The following RBMS3 variants were observed in gnomAD, a reference collection of about 807,000 sequenced individuals.
RBMS3 encodes RNA binding motif single stranded interacting protein 3, also known as RNA-binding motif, single-stranded-interacting protein 3.
Under a neutral mutation model 66.8 loss-of-function variants are expected in RBMS3, and 27 were observed. The ratio of observed to expected loss-of-function variants is 0.40; its 90% CI spans 0.30 to 0.56. RBMS3 has a LOEUF of 0.56. Among genes scored for constraint, RBMS3 ranks in the 20% least tolerant of loss-of-function variants. RBMS3 has a pLI of 0.40. For synonymous variants in RBMS3, 188 were observed against 183.0 expected (o/e 1.03, Z -0.22); for missense variants, 513 against 549.5 (o/e 0.93, Z 0.66).
intron 10 of RBMS3, among the ~76,000 whole-genome samples, chr3:29,915,404 C>T (rs2060614061): frequency 1.3e-5 from 2 of 151,900 alleles, no homozygotes; most frequent in Non-Finnish European, 2.9e-5. Flanking sequence ...AGCTAAATTA[C>T]TGAAGACCAT....
At chr3:29,958,556 G>A (rs1358363257) in intron 12 of RBMS3, among the ~76,000 whole-genome samples, 1 of 152,036 alleles carries the variant, frequency 6.6e-6, no homozygotes, top group East Asian at 1.9e-4. Context: ...CAAAATCTGA[G>A]AGTTTTTTTT....
At position 29,605,535 on chromosome 3, in the gene RBMS3, T is replaced by TAGAAAA. The variant is rs2048295188; in HGVS notation, c.399+18336_399+18341dup. Among the ~76,000 whole-genome samples the TAGAAAA allele has an allele frequency of 2.0e-5, 3 of 151,820 alleles. No individual in the cohort carries two copies. In the South Asian group the frequency reaches 6.2e-4, roughly 31 times the overall value. ...TTCTGTACTTCATGGTAGATCCTGG[T>TAGAAAA]AGAAAAAGAAATGAGGTTGAGAGTG... On this transcript the variant is annotated intron_variant, in intron 4 of 14. Coordinates refer to ENST00000383767, the MANE Select transcript of RBMS3 (RefSeq NM_001003793.3).
chr3:29,343,202 G>A (rs975991824), intron 1 of RBMS3, among the ~76,000 whole-genome samples: 2 of 152,080 alleles, frequency 1.3e-5, no homozygotes, highest in South Asian at 2.1e-4. Flanking sequence ...TGGTCTGAGC[G>A]AAATATCTTT....
intron 8 of RBMS3, among the ~76,000 whole-genome samples, chr3:29,887,339 C>A (rs2059895479): frequency 6.6e-6 from 1 of 151,776 alleles, no homozygotes; most frequent in African/African-American, 2.4e-5. Context: ...TCATAATCCC[C>A]ATGTGTCAAG....
intron 1 of RBMS3, among the ~76,000 whole-genome samples, chr3:29,366,247 T>C (rs528909656): frequency 6.6e-6 from 1 of 152,338 alleles, no homozygotes; most frequent in East Asian, 1.9e-4. Context: ...TATGATTACT[T>C]TGTTAAGTGA....
chr3:29,656,956 G>A (rs2050347299), intron 4 of RBMS3, among the ~76,000 whole-genome samples: 1 of 152,110 alleles, frequency 6.6e-6, no homozygotes, highest in South Asian at 2.1e-4. Flanking sequence ...TCCATCCTAT[G>A]GCTCCATCAT....
intron 4 of RBMS3, among the ~76,000 whole-genome samples, chr3:29,644,419 T>C (rs1462078987): frequency 2.6e-5 from 4 of 152,178 alleles, no homozygotes; most frequent in Admixed American, 2.6e-4. Context: ...TGTGCCTCCA[T>C]GCACAGACAA....
intron 6 of RBMS3, among the ~76,000 whole-genome samples, chr3:29,837,322 A>C (rs1172541833): frequency 6.6e-6 from 1 of 151,890 alleles, no homozygotes; most frequent in Non-Finnish European, 1.5e-5. Flanking sequence ...TACGTAGTCT[A>C]GTTTTACTGT....
intron 6 of RBMS3, among the ~76,000 whole-genome samples, chr3:29,868,115 C>T (rs2059403478): frequency 6.6e-6 from 1 of 152,066 alleles, no homozygotes; most frequent in Non-Finnish European, 1.5e-5. Context: ...TTGTCATTTT[C>T]CAATGTAATT....
At chr3:29,867,853 T>C (rs1207273340) in intron 6 of RBMS3, among the ~76,000 whole-genome samples, 1 of 151,930 alleles carries the variant, frequency 6.6e-6, no homozygotes, top group Non-Finnish European at 1.5e-5. Flanking sequence ...TGCAGGGTGG[T>C]CATTTTGGTT....
chr3:29,769,138 G>T (rs1032898600), intron 6 of RBMS3, among the ~76,000 whole-genome samples: 6 of 151,766 alleles, frequency 4.0e-5, no homozygotes, highest in Non-Finnish European at 5.9e-5. Context: ...AACATTAGAG[G>T]TAGTAGTCAG....
intron 4 of RBMS3, among the ~76,000 whole-genome samples, chr3:29,644,258 T>G (rs2049835916): frequency 6.6e-6 from 1 of 152,240 alleles, no homozygotes; most frequent in Middle Eastern, 3.2e-3. Context: ...AAAGGAAATT[T>G]GAAATCCTGT....
chr3:29,568,574 A>G (rs1019185378), intron 3 of RBMS3, among the ~76,000 whole-genome samples: 2 of 152,228 alleles, frequency 1.3e-5, no homozygotes, highest in East Asian at 3.8e-4. Context: ...GAACCGACAT[A>G]GAATTTAGGT....
chr3:29,964,180 G>A (rs1696673470), intron 12 of RBMS3, among the ~76,000 whole-genome samples: 1 of 152,182 alleles, frequency 6.6e-6, no homozygotes, highest in Non-Finnish European at 1.5e-5. Context: ...AGTGTGTGAA[G>A]TATAACATAA....
intron 1 of RBMS3, among the ~76,000 whole-genome samples, chr3:29,384,830 C>CG (rs2038937057): frequency 6.6e-6 from 1 of 152,132 alleles, no homozygotes; most frequent in African/African-American, 2.4e-5. Flanking sequence ...GTGTTGTGAG[C>CG]GGGGAAGAGA....
At chr3:29,553,808 TAAAA>T (rs10634860) in intron 3 of RBMS3, among the ~76,000 whole-genome samples, 3 of 142,262 alleles carry the variant, frequency 2.1e-5, no homozygotes, top group Non-Finnish European at 3.1e-5. Context: ...ACTGGCTAAT[TAAAA>T]AAAAAAAAAA....
chr3:29,642,492 T>G (rs1283160392), intron 4 of RBMS3, among the ~76,000 whole-genome samples: 1 of 152,106 alleles, frequency 6.6e-6, no homozygotes, highest in Admixed American at 6.6e-5. Flanking sequence ...TGGTTTCATG[T>G]GTACCACCAA....
intron 1 of RBMS3, among the ~76,000 whole-genome samples, chr3:29,389,348 A>G (rs114129866): frequency 1.3e-5 from 2 of 152,150 alleles, no homozygotes; most frequent in Non-Finnish European, 2.9e-5. Context: ...ATGGGGAAAA[A>G]GGTCACTCTT....
chr3:29,719,797 G>T (rs1353504883), intron 4 of RBMS3, among the ~76,000 whole-genome samples: 1 of 152,130 alleles, frequency 6.6e-6, no homozygotes, highest in East Asian at 1.9e-4. Context: ...CTGCAAAACA[G>T]ATTTCTTAAT....
Sources: gnomAD v4.1 joint callset for allele counts (sites outside exome capture counted in the v4.1 genomes callset) on GRCh38, gnomAD v4.1.1 for gene constraint, MANE v1.5 for transcripts, NCBI Gene and HGNC (gene_info 2026-07-23, HGNC 2026-07-21) for gene names.